DNM3: variants seen among roughly 807,000 people sequenced by gnomAD.
DNM3 encodes dynamin-3.
In DNM3, 47 loss-of-function variants were observed where a neutral mutation model predicts 101.6. The ratio of observed to expected loss-of-function variants is 0.46; its 90% CI spans 0.37 to 0.59. The LOEUF is 0.59. Among genes scored for constraint, DNM3 ranks in the 20% least tolerant of loss-of-function variants. DNM3 has a pLI of 0.00. For synonymous variants in DNM3, 385 were observed against 387.9 expected, an observed-to-expected ratio of 0.99 and a Z score of 0.09; for missense variants, 849 against 1,085.7, an observed-to-expected ratio of 0.78 and a Z score of 3.06.
At chr1:172,338,555 C>G (rs931234140) in intron 17 of DNM3, among the ~76,000 whole-genome samples, 34 of 152,110 alleles carry the variant, frequency 2.2e-4, no homozygotes, top group Non-Finnish European at 5.9e-5. Context: ...AGCTTTAACA[C>G]TGATGGTGGG....
chr1:172,291,823 A>C (rs1370863358), intron 15 of DNM3, among the ~76,000 whole-genome samples: 1 of 152,174 alleles, frequency 6.6e-6, no homozygotes, highest in African/African-American at 2.4e-5. Flanking sequence ...GTAAGAAAGT[A>C]ATTTGACTGG....
rs1180462717 is a variant in DNM3 at position 171,929,299 on chromosome 1, G to C, written c.235+7478G>C. On this transcript the variant is annotated intron_variant, in intron 2 of 20. Transcript: ENST00000627582. ...GAGAACACCAGTGGGGATAGCTAGAGACCCTGGTTAGGAAGTTGCACCTGG... is the reference window on the plus strand; with the variant it reads ...GAGAACACCAGTGGGGATAGCTAGACACCCTGGTTAGGAAGTTGCACCTGG... Among the ~76,000 whole-genome samples, 7 of 152,304 alleles carry C rather than the reference G, an allele frequency of 4.6e-5. No individual in the cohort carries two copies. The East Asian group carries it at 1.3e-3, about 29-fold the overall frequency.
chr1:171,970,708 C>A (rs1230733411), intron 2 of DNM3, among the ~76,000 whole-genome samples: 1 of 152,058 alleles, frequency 6.6e-6, no homozygotes, highest in African/African-American at 2.4e-5. Flanking sequence ...ATCATTAGGA[C>A]CACTGAGCTC....
At chr1:172,192,515 A>C (rs2059769341) in intron 14 of DNM3, among the ~76,000 whole-genome samples, 1 of 129,826 alleles carries the variant, frequency 7.7e-6, no homozygotes. Flanking sequence ...TCCCAATGCT[A>C]TCCCTCCCCC....
chr1:172,148,718 C>A (rs191548225), intron 14 of DNM3, among the ~76,000 whole-genome samples: 80 of 152,064 alleles, frequency 5.3e-4, no homozygotes, highest in African/African-American at 1.9e-3. Flanking sequence ...GACCTTAGTT[C>A]ATTGCAAATT....
intron 1 of DNM3, among the ~76,000 whole-genome samples, chr1:171,919,746 T>C (rs1254885596): frequency 6.6e-6 from 1 of 152,230 alleles, no homozygotes; most frequent in Non-Finnish European, 1.5e-5. Flanking sequence ...TATATGTATT[T>C]AAATATATTC....
chr1:171,850,412 G>T (rs1363977115), intron 1 of DNM3, among the ~76,000 whole-genome samples: 1 of 152,098 alleles, frequency 6.6e-6, no homozygotes, highest in African/African-American at 2.4e-5. Context: ...TTCTTATCTA[G>T]TGGAGGTTTA....
intron 14 of DNM3, among the ~76,000 whole-genome samples, chr1:172,195,647 T>C (rs1444983814): frequency 6.6e-6 from 1 of 151,938 alleles, no homozygotes. Flanking sequence ...TGTTGTCAAA[T>C]GCTTTTCTTC....
intron 10 of DNM3, among the ~76,000 whole-genome samples, chr1:172,058,894 A>G (rs774649413): frequency 5.9e-5 from 9 of 152,196 alleles, no homozygotes; most frequent in Non-Finnish European, 1.0e-4. Flanking sequence ...TAAAAAATTA[A>G]TGAATCCAGG....
At chr1:172,153,688 G>A (rs1025401610) in intron 14 of DNM3, among the ~76,000 whole-genome samples, 1 of 152,044 alleles carries the variant, frequency 6.6e-6, no homozygotes, top group African/African-American at 2.4e-5. Flanking sequence ...AAAAAAATGT[G>A]TTAGGTTATT....
chr1:172,367,438 A>G, intron 17 of DNM3, among the ~76,000 whole-genome samples: 1 of 151,932 alleles, frequency 6.6e-6, no homozygotes, highest in Non-Finnish European at 1.5e-5. Context: ...TATAGAGCAG[A>G]TACACAAATG....
intron 1 of DNM3, among the ~76,000 whole-genome samples, chr1:171,915,660 G>A (rs2039654436): frequency 6.6e-6 from 1 of 152,158 alleles, no homozygotes; most frequent in South Asian, 2.1e-4. Context: ...GACACCTAGT[G>A]GAGATGTTTA....
intron 1 of DNM3, among the ~76,000 whole-genome samples, chr1:171,885,352 A>G (rs1042503941): frequency 6.6e-6 from 1 of 152,164 alleles, no homozygotes; most frequent in Admixed American, 6.5e-5. Flanking sequence ...CAAAACATAC[A>G]TACTTATGTT....
chr1:172,013,767 G>T (rs1302535180), intron 4 of DNM3, among the ~76,000 whole-genome samples: 1 of 152,048 alleles, frequency 6.6e-6, no homozygotes, highest in Non-Finnish European at 1.5e-5. Flanking sequence ...GGCATGTGAA[G>T]AAGTAAAAGT....
chr1:172,074,945 A>G (rs74750214), intron 11 of DNM3, among the ~76,000 whole-genome samples: 7 of 152,186 alleles, frequency 4.6e-5, no homozygotes, highest in Non-Finnish European at 1.0e-4. Flanking sequence ...GTGTAAAAGC[A>G]TTCCTATTTC....
intron 14 of DNM3, among the ~76,000 whole-genome samples, chr1:172,213,443 A>T (rs2060579326): frequency 6.9e-6 from 1 of 144,742 alleles, no homozygotes; most frequent in South Asian, 2.2e-4. Flanking sequence ...TGTGGAAATT[A>T]TGTGATGTAT....
At chr1:172,227,199 C>G (rs907995977) in intron 14 of DNM3, among the ~76,000 whole-genome samples, 11 of 148,560 alleles carry the variant, frequency 7.4e-5, no homozygotes, top group African/African-American at 2.5e-4. Flanking sequence ...AGAATAATCA[C>G]CCCCCAGTTA....
chr1:172,397,224 C>T (rs2070081897), intron 20 of DNM3: 1 of 152,554 alleles, frequency 6.6e-6, no homozygotes, highest in Non-Finnish European at 1.5e-5. Context: ...ATTTTAATAA[C>T]TAAAATAATA....
intron 1 of DNM3, among the ~76,000 whole-genome samples, chr1:171,874,781 C>T (rs1225297511): frequency 6.6e-6 from 1 of 150,974 alleles, no homozygotes; most frequent in Non-Finnish European, 1.5e-5. Flanking sequence ...AACATAGTAC[C>T]CATAGTATCC....
Sources: gnomAD v4.1 joint callset for allele counts (sites outside exome capture counted in the v4.1 genomes callset) on GRCh38, gnomAD v4.1.1 for gene constraint, MANE v1.5 for transcripts, NCBI Gene and HGNC (gene_info 2026-07-23, HGNC 2026-07-21) for gene names.